ZNF385D: variants seen among roughly 807,000 people sequenced by gnomAD.
ZNF385D encodes the protein zinc finger protein 385D, also known as zinc finger protein 659.
In ZNF385D, 15 loss-of-function variants were observed where a neutral mutation model predicts 35.8. The ratio of observed to expected loss-of-function variants is 0.42; its 90% CI spans 0.28 to 0.64. The LOEUF (loss-of-function observed/expected upper bound fraction) is 0.64. Ranked by LOEUF, ZNF385D falls within the 30% of genes least tolerant of loss-of-function variation. The pLI is 0.23. For missense variants in ZNF385D, 474 were observed against 494.6 expected (o/e 0.96, Z 0.39); for synonymous variants, 212 against 186.8 (o/e 1.13, Z -1.10).
chr3:22,277,968 G>A (rs763036427), intron 2 of ZNF385D, among the ~76,000 whole-genome samples: 12 of 152,018 alleles, frequency 7.9e-5, no homozygotes, highest in African/African-American at 2.7e-4. Context: ...TAAACCTCAC[G>A]TCCTTCAGGA....
Position 21,693,787 on chromosome 3 carries a change from T to C in ZNF385D, c.23-28759A>G, listed in dbSNP as rs937719082. Among the ~76,000 whole-genome samples the C allele has an allele frequency of 2.6e-5, 4 of 151,982 alleles. No individual in the cohort carries two copies. The East Asian group carries it at 7.7e-4, about 29-fold the overall frequency. ...TTTTATGAATTTAAAAAATAAAAAA[T>C]GATGTATCATTTAGCCAGAGAAGAG... is the stretch of plus-strand genomic sequence containing the variant. On this transcript the variant is annotated intron_variant, in intron 1 of 7. Transcript: ENST00000281523.
intron 1 of ZNF385D, among the ~76,000 whole-genome samples, chr3:21,669,887 T>C (rs2066510295): frequency 6.6e-6 from 1 of 152,164 alleles, no homozygotes; most frequent in Non-Finnish European, 1.5e-5. Context: ...ATTAATATAT[T>C]GAAATACTCC....
chr3:21,720,174 G>A (rs1402499683), intron 1 of ZNF385D, among the ~76,000 whole-genome samples: 2 of 152,190 alleles, frequency 1.3e-5, no homozygotes, highest in African/African-American at 4.8e-5. Context: ...ACTGAAATGT[G>A]CAGCCAAGGC....
intron 3 of ZNF385D, among the ~76,000 whole-genome samples, chr3:22,083,183 G>A (rs891072783): frequency 6.6e-6 from 1 of 152,206 alleles, no homozygotes; most frequent in Non-Finnish European, 1.5e-5. Context: ...CTACTCCAAA[G>A]GATCGCAGCT....
intron 3 of ZNF385D, among the ~76,000 whole-genome samples, chr3:21,765,510 T>C (rs1320699080): frequency 6.6e-6 from 1 of 151,968 alleles, no homozygotes; most frequent in East Asian, 1.9e-4. Flanking sequence ...ACTGAGACAA[T>C]CATGTTTGTT....
intron 3 of ZNF385D, among the ~76,000 whole-genome samples, chr3:21,881,300 T>A (rs1698265078): frequency 6.6e-6 from 1 of 151,946 alleles, no homozygotes; most frequent in African/African-American, 2.4e-5. Context: ...GAGAGGCTAA[T>A]CCCATTGGCG....
chr3:21,592,570 A>C (rs576944865), intron 2 of ZNF385D, among the ~76,000 whole-genome samples: 18 of 144,522 alleles, frequency 1.2e-4, no homozygotes, highest in East Asian at 4.2e-4. Flanking sequence ...AAACAAAAAA[A>C]AAAAACAATT....
chr3:21,806,173 T>A (rs1365126505), intron 3 of ZNF385D, among the ~76,000 whole-genome samples: 1 of 152,010 alleles, frequency 6.6e-6, no homozygotes, highest in Non-Finnish European at 1.5e-5. Context: ...CACTTCTGCA[T>A]TCCTTCTTTC....
intron 2 of ZNF385D, among the ~76,000 whole-genome samples, chr3:22,350,493 A>C (rs1419324594): frequency 6.6e-6 from 1 of 152,106 alleles, no homozygotes; most frequent in African/African-American, 2.4e-5. Context: ...GCACCAGTCC[A>C]TGATAAATCT....
chr3:21,507,456 G>C (rs1706861834), intron 4 of ZNF385D, among the ~76,000 whole-genome samples: 1 of 151,868 alleles, frequency 6.6e-6, no homozygotes, highest in Admixed American at 6.6e-5. Context: ...TTTATATATG[G>C]ACAAGCCTAC....
intron 2 of ZNF385D, among the ~76,000 whole-genome samples, chr3:21,657,503 A>C (rs1402666126): frequency 6.6e-6 from 1 of 151,984 alleles, no homozygotes; most frequent in African/African-American, 2.4e-5. Context: ...ATGAAAGAAG[A>C]CTTCATAAGC....
At chr3:21,761,839 T>TCCTTTAA (rs2070624002) in intron 3 of ZNF385D, among the ~76,000 whole-genome samples, 1 of 150,334 alleles carries the variant, frequency 6.7e-6, no homozygotes, top group Non-Finnish European at 1.5e-5. Flanking sequence ...CATAATGGCT[T>TCCTTTAA]AAAATTATGA....
chr3:21,966,701 C>A (rs1373088366), intron 3 of ZNF385D, among the ~76,000 whole-genome samples: 1 of 152,180 alleles, frequency 6.6e-6, no homozygotes, highest in Non-Finnish European at 1.5e-5. Flanking sequence ...CCTGCCTCAG[C>A]CTCTGGAATA....
chr3:22,233,646 A>T (rs1012902703), intron 2 of ZNF385D, among the ~76,000 whole-genome samples: 6 of 152,080 alleles, frequency 3.9e-5, no homozygotes, highest in African/African-American at 1.4e-4. Context: ...CCCCCAGAAT[A>T]CCTGGCTTCT....
intron 2 of ZNF385D, among the ~76,000 whole-genome samples, chr3:22,177,875 T>G (rs960141852): frequency 6.6e-6 from 1 of 152,198 alleles, no homozygotes; most frequent in Non-Finnish European, 1.5e-5. Context: ...AGAATGATGG[T>G]TTCCAGCTTC....
chr3:22,255,243 T>C (rs1165379871), intron 2 of ZNF385D, among the ~76,000 whole-genome samples: 3 of 150,804 alleles, frequency 2.0e-5, no homozygotes, highest in Non-Finnish European at 3.0e-5. Flanking sequence ...GGAAAATTCA[T>C]GTTGACACTG....
At chr3:21,507,782 C>G (rs776254301) in intron 4 of ZNF385D, among the ~76,000 whole-genome samples, 5 of 152,078 alleles carry the variant, frequency 3.3e-5, no homozygotes, top group African/African-American at 2.4e-5. Flanking sequence ...TATGAGGAAG[C>G]ACATAGTAAT....
chr3:22,016,078 G>C (rs1458530785), intron 3 of ZNF385D, among the ~76,000 whole-genome samples: 2 of 152,106 alleles, frequency 1.3e-5, no homozygotes, highest in Non-Finnish European at 2.9e-5. Flanking sequence ...CATATTTGCA[G>C]CACTTGCTAC....
chr3:21,672,921 G>A (rs1236217527), intron 1 of ZNF385D, among the ~76,000 whole-genome samples: 8 of 152,066 alleles, frequency 5.3e-5, no homozygotes, highest in Admixed American at 2.0e-4. Context: ...GAAAAATTAT[G>A]TTAGGAGTAT....
Sources: gnomAD v4.1 joint callset for allele counts (sites outside exome capture counted in the v4.1 genomes callset) on GRCh38, gnomAD v4.1.1 for gene constraint, MANE v1.5 for transcripts, NCBI Gene and HGNC (gene_info 2026-07-23, HGNC 2026-07-21) for gene names.